SI: variants seen among roughly 807,000 people sequenced by gnomAD.
SI encodes sucrase-isomaltase, intestinal.
In SI, 235 loss-of-function variants were observed where a neutral mutation model predicts 253.3. The ratio of observed to expected loss-of-function variants is 0.93; its 90% CI spans 0.83 to 1.03. The LOEUF (loss-of-function observed/expected upper bound fraction) is 1.03, where lower values mean the gene tolerates loss of function less well. Ranked by LOEUF, SI falls within the 50% of genes least tolerant of loss-of-function variation. The pLI, the probability that SI is intolerant of heterozygous loss-of-function variation, is 0.00. For missense variants in SI, 2,442 were observed against 2,211.1 expected (o/e 1.10, Z -2.09); for synonymous variants, 819 against 712.0 (o/e 1.15, Z -2.39).
chr3:165,019,027 T>C (rs1053855392), intron 28 of SI, among the ~76,000 whole-genome samples: 3 of 151,838 alleles, frequency 2.0e-5, no homozygotes. Flanking sequence ...TTTTATGATA[T>C]GTTTGGAATA....
intron 44 of SI, among the ~76,000 whole-genome samples, chr3:164,990,991 T>A (rs1699599545): frequency 6.6e-6 from 1 of 152,158 alleles, no homozygotes; most frequent in Admixed American, 6.6e-5. Context: ...AGATAATATT[T>A]TTTTTGAAGC....
At chr3:165,009,799 C>T (rs1576882774) in intron 34 of SI, among the ~76,000 whole-genome samples, 1 of 152,156 alleles carries the variant, frequency 6.6e-6, no homozygotes, top group East Asian at 1.9e-4. Context: ...TTTCTCATTT[C>T]CCAGAACCAT....
chr3:165,050,425 A>C (rs547057728), intron 13 of SI, among the ~76,000 whole-genome samples: 1 of 152,216 alleles, frequency 6.6e-6, no homozygotes, highest in South Asian at 2.1e-4. Flanking sequence ...GGTGAGCATG[A>C]TCACACTCTG....
At chr3:164,985,782 G>A (rs923472739) in intron 45 of SI, among the ~76,000 whole-genome samples, 3 of 152,034 alleles carry the variant, frequency 2.0e-5, no homozygotes, top group African/African-American at 7.2e-5. Flanking sequence ...TCCTCTATCA[G>A]TGTTTACATA....
chr3:165,038,793 T>C (rs569743054), intron 20 of SI, among the ~76,000 whole-genome samples: 1 of 152,170 alleles, frequency 6.6e-6, no homozygotes, highest in Admixed American at 6.6e-5. Flanking sequence ...CACTCCTTCC[T>C]AAATTACTGC....
At chr3:165,053,476 A>G (rs967914111) in intron 13 of SI, among the ~76,000 whole-genome samples, 1 of 152,324 alleles carries the variant, frequency 6.6e-6, no homozygotes, top group Non-Finnish European at 1.5e-5. Flanking sequence ...GTAGATAAGT[A>G]ATAGCTAAAA....
chr3:164,988,716 C>G (rs1341219616), intron 44 of SI, among the ~76,000 whole-genome samples: 1 of 151,990 alleles, frequency 6.6e-6, no homozygotes, highest in African/African-American at 2.4e-5. Context: ...AGACAGGGTC[C>G]TCTAGAATTT....
chr3:165,053,663 G>T (rs539207790), intron 13 of SI, among the ~76,000 whole-genome samples: 1 of 152,182 alleles, frequency 6.6e-6, no homozygotes, highest in Non-Finnish European at 1.5e-5. Context: ...CCACACTTTG[G>T]AGGTGAATCA....
chr3:164,998,632 G>A lies in SI; in HGVS notation c.4448C>T (p.Ser1483Phe). The A allele has an allele frequency of 6.2e-7, 1 of 1,611,694 alleles. No homozygotes were observed. The highest frequency in any genetic ancestry group is 8.5e-7 in the Non-Finnish European group (1 of 1,178,322). Reference protein sequence around the residue: ...KTTGKRGIVISRSTYPTSGRW... With the variant: ...KTTGKRGIVIFRSTYPTSGRW... The stretch of plus-strand genomic sequence containing the variant: ...TCCACTAGTAGGATACGTGGAACGA[G>A]AAATTACAATCCCTCTTTTTCCAGT... Residue 1483 changes from serine (S) to phenylalanine (F), a missense_variant, in exon 38 of 48, where the codon TCT becomes TTT. Coordinates refer to ENST00000264382, the MANE Select transcript of SI (RefSeq NM_001041.4).
the SI span, among the ~76,000 whole-genome samples, chr3:165,087,408 T>G: frequency 6.6e-6 from 1 of 152,090 alleles, no homozygotes; most frequent in Non-Finnish European, 1.5e-5. Flanking sequence ...GAAAGAGATA[T>G]TCTCTGAGGC....
intron 25 of SI, among the ~76,000 whole-genome samples, chr3:165,028,555 G>A (rs1712048154): frequency 1.3e-5 from 2 of 151,576 alleles, no homozygotes; most frequent in South Asian, 4.1e-4. Flanking sequence ...TAAAGCCATA[G>A]TCACCAAAAT....
rs200017182 is a variant in SI at position 165,061,359 on chromosome 3, C to T, written c.1020+1012G>A. On this transcript the variant is annotated intron_variant, in intron 9 of 47. Coordinates refer to ENST00000264382, the MANE Select transcript of SI (RefSeq NM_001041.4). ...ATCACACACAAAGTCTATATGTAGGCCAGCCTAGAACTGTAATTATGATTT... is the reference window on the plus strand; with the variant it reads ...ATCACACACAAAGTCTATATGTAGGTCAGCCTAGAACTGTAATTATGATTT... 1.5e-3 allele frequency among the ~76,000 whole-genome samples: 224 copies of T among 151,988 alleles called. 1 individual carries two copies. The highest frequency in any genetic ancestry group is 5.3e-3 in the African/African-American group (218 of 41,510).
At chr3:165,007,736 G>T (rs985584748) in intron 36 of SI, among the ~76,000 whole-genome samples, 175 bp downstream of exon 36, 1 of 150,404 alleles carries the variant, frequency 6.6e-6, no homozygotes, top group African/African-American at 2.4e-5. Context: ...AAAATTGGGT[G>T]TGTGAATCCT....
At chr3:165,058,560 A>C (rs1463925427) in intron 12 of SI, among the ~76,000 whole-genome samples, 1 of 151,914 alleles carries the variant, frequency 6.6e-6, no homozygotes, top group Non-Finnish European at 1.5e-5. Context: ...GCAAGGCCCA[A>C]ATAAACAAAA....
intron 35 of SI, among the ~76,000 whole-genome samples, chr3:165,008,397 C>T (rs955105159): frequency 1.3e-4 from 19 of 151,896 alleles, no homozygotes; most frequent in African/African-American, 4.6e-4. Context: ...CAGATAATTT[C>T]AAGAAGTATC....
At chr3:165,007,365 TA>T (rs1216015427) in intron 36 of SI, among the ~76,000 whole-genome samples, 1 of 152,062 alleles carries the variant, frequency 6.6e-6, no homozygotes, top group East Asian at 1.9e-4. Context: ...CTTAATATGC[TA>T]ATAGTTTGTG....
intron 25 of SI, among the ~76,000 whole-genome samples, chr3:165,026,457 T>A (rs1711926467): frequency 6.6e-6 from 1 of 151,284 alleles, no homozygotes; most frequent in Non-Finnish European, 1.5e-5. Flanking sequence ...AACAATGGAT[T>A]TAAACCATAC....
chr3:164,997,237 GA>G (rs1209798323), intron 38 of SI, among the ~76,000 whole-genome samples: 1 of 151,482 alleles, frequency 6.6e-6, no homozygotes, highest in Non-Finnish European at 1.5e-5. Flanking sequence ...AAAATACAAT[GA>G]ATATGATTTC....
intron 24 of SI, among the ~76,000 whole-genome samples, chr3:165,032,296 A>G (rs1279622623): frequency 6.6e-6 from 1 of 151,094 alleles, no homozygotes; most frequent in East Asian, 1.9e-4. Context: ...ATAGAGAGAA[A>G]TAGCAAGGAA....
Sources: gnomAD v4.1 joint callset for allele counts (sites outside exome capture counted in the v4.1 genomes callset) on GRCh38, gnomAD v4.1.1 for gene constraint, MANE v1.5 for transcripts, NCBI Gene and HGNC (gene_info 2026-07-23, HGNC 2026-07-21) for gene names.